Variants in MTMR12 observed in about 807,000 individuals in gnomAD.
The protein encoded by MTMR12 is myotubularin-related protein 12.
MTMR12 carries 33 observed loss-of-function variants against 96.7 expected under a neutral mutation model. The ratio of observed to expected loss-of-function variants is 0.34; its 90% CI spans 0.26 to 0.46. The LOEUF (loss-of-function observed/expected upper bound fraction) is 0.46. Among genes scored for constraint, MTMR12 ranks in the 20% least tolerant of loss-of-function variants. The pLI is 1.00. For synonymous variants in MTMR12, 298 were observed against 327.2 expected (o/e 0.91, Z 0.96); for missense variants, 721 against 896.1 (o/e 0.80, Z 2.49).
intron 8 of MTMR12, among the ~76,000 whole-genome samples, chr5:32,255,002 G>A (rs895965222): frequency 6.6e-6 from 1 of 152,074 alleles, no homozygotes; most frequent in East Asian, 1.9e-4. Flanking sequence ...AGGGCCTCTG[G>A]TTCACCACAA....
chr5:32,306,132 G>T (rs1374893720), intron 1 of MTMR12, among the ~76,000 whole-genome samples: 1 of 152,070 alleles, frequency 6.6e-6, no homozygotes, highest in Non-Finnish European at 1.5e-5. Context: ...CATGATATAA[G>T]CATGTTTCAC....
In MTMR12 at chr5:32,233,794, T is replaced by C. The variant is rs568605805; in HGVS notation, c.1653A>G (p.Gln551=). 6.8e-6 allele frequency: 11 copies of C among 1,614,242 alleles called. No homozygotes were observed. The East Asian group carries it at 8.9e-5, about 13-fold the overall frequency. Residue 551 remains glutamine (Q), a synonymous_variant, in exon 15 of 16, where the codon CAA becomes CAG. Transcript: ENST00000382142. This position sits in a 1 kb window ranked among gnomAD's most constrained non-coding sequence, Gnocchi z 5.0. ...TTACTTTGAAGCGCATTCCTTTCCGTTGGCCTTTGTCCAGTTTTGGCTTTT... is the reference window on the plus strand; with the variant it reads ...TTACTTTGAAGCGCATTCCTTTCCGCTGGCCTTTGTCCAGTTTTGGCTTTT... ...YVEKPKLDKG[Q]RKGMRFKHQR... is the part of the protein sequence containing the mutation.
At chr5:32,247,600 A>T in intron 10 of MTMR12, 1 of 382,984 alleles carries the variant, frequency 2.6e-6, no homozygotes, top group Non-Finnish European at 3.6e-6. Context: ...GGAAAAAATT[A>T]AAGTATTTCC....
chr5:32,263,017 G>C (rs372775042), intron 7 of MTMR12, 96 bp downstream of exon 7: 1 of 1,428,324 alleles, frequency 7.0e-7, no homozygotes, highest in Non-Finnish European at 9.5e-7. Flanking sequence ...TAAATTGACT[G>C]TGGTGATGAC....
At chr5:32,240,109 A>G (rs941300181) in intron 12 of MTMR12, among the ~76,000 whole-genome samples, 2 of 152,174 alleles carry the variant, frequency 1.3e-5, no homozygotes, top group African/African-American at 2.4e-5. Flanking sequence ...AAACTTAAGA[A>G]TGAATTGTAG....
chr5:32,231,488 T>C (rs1208207939), intron 15 of MTMR12, among the ~76,000 whole-genome samples: 1 of 152,140 alleles, frequency 6.6e-6, no homozygotes, highest in Non-Finnish European at 1.5e-5. Context: ...AGAAGCTGTT[T>C]GTCCAGCTCT....
At chr5:32,255,799 T>A (rs1423208820) in intron 7 of MTMR12, 31 bp from the exon 8 acceptor site, 17 of 1,556,164 alleles carry the variant, frequency 1.1e-5, no homozygotes, top group Non-Finnish European at 1.5e-5. Context: ...CAAGTTTTAG[T>A]ACAACACTTA....
At chr5:32,284,580 G>C (rs1398644413) in intron 1 of MTMR12, among the ~76,000 whole-genome samples, 1 of 152,078 alleles carries the variant, frequency 6.6e-6, no homozygotes, top group Admixed American at 6.6e-5. Flanking sequence ...TCTTTGGGGT[G>C]GTGGGAGCTT....
At chr5:32,284,104 C>A (rs752356324) in intron 1 of MTMR12, among the ~76,000 whole-genome samples, 1 of 151,724 alleles carries the variant, frequency 6.6e-6, no homozygotes, top group Non-Finnish European at 1.5e-5. Context: ...CTTAAGAATT[C>A]GAGACTAGCC....
chr5:32,279,667 A>G (rs1750207896), intron 1 of MTMR12, among the ~76,000 whole-genome samples: 5 of 152,184 alleles, frequency 3.3e-5, no homozygotes, highest in African/African-American at 1.2e-4. Context: ...GCATTCCCCA[A>G]ACTTTTGGAG....
intron 11 of MTMR12, among the ~76,000 whole-genome samples, 174 bp downstream of exon 11, chr5:32,243,347 T>C (rs534382908): frequency 2.0e-4 from 30 of 152,226 alleles, no homozygotes; most frequent in Non-Finnish European, 3.2e-4. Context: ...TGTTCATAAA[T>C]TCCTATCAAA....
At chr5:32,263,809 A>C (rs1330895820) in intron 6 of MTMR12, among the ~76,000 whole-genome samples, 1 of 152,210 alleles carries the variant, frequency 6.6e-6, no homozygotes, top group African/African-American at 2.4e-5. Flanking sequence ...ATTTCTAGTC[A>C]TCTGACCATG....
intron 10 of MTMR12, 83 bp from the exon 11 acceptor site, chr5:32,243,682 G>T: frequency 1.2e-6 from 1 of 830,428 alleles, no homozygotes; most frequent in Non-Finnish European, 2.0e-6. Context: ...CCTCAACTGT[G>T]TCATTCAGAT....
chr5:32,294,260 C>G (rs1011384514), intron 1 of MTMR12, among the ~76,000 whole-genome samples: 1 of 152,150 alleles, frequency 6.6e-6, no homozygotes, highest in Non-Finnish European at 1.5e-5. Context: ...GCTAGATACC[C>G]AAACCACACT....
rs777596804 is a variant in MTMR12 at position 32,233,732 on chromosome 5, T to A, written c.1674+41A>T. On this transcript the variant is annotated intron_variant, in intron 15 of 15. Coordinates refer to ENST00000382142, the MANE Select transcript of MTMR12 (RefSeq NM_001040446.3). The surrounding 1 kb of genome is among the most constrained non-coding windows in gnomAD (Gnocchi z 5.0). ...ACCTTTTATCATTACATGCACGGGG[T>A]CTGGGCAGCTGAAGGGGGTTTAGAC... 6.2e-7 allele frequency: 1 copy of A among 1,613,302 alleles called. No homozygotes were observed. The highest frequency in any genetic ancestry group is 8.5e-7 in the Non-Finnish European group (1 of 1,179,466).
rs1397469276 is a variant in MTMR12 at position 32,268,542 on chromosome 5, T to C, written c.583+159A>G. ...AAAAAAAAGATCACAGGAAAGAAAA[T>C]GTAGATATCTAAATGAATCACTCAA... On this transcript the variant is annotated intron_variant, in intron 6 of 15. Transcript: ENST00000382142. 2.1e-5 allele frequency among the ~76,000 whole-genome samples: 3 copies of C among 146,262 alleles called. No individual in the cohort carries two copies. The East Asian group carries it at 6.0e-4, about 29-fold the overall frequency.
chr5:32,248,820 T>C lies in MTMR12; in HGVS notation c.848A>G (p.Lys283Arg). ...TTGTAAAATGCCGTCATCCTGTTCT[T>C]TGGGCAGTGCTGACATTTTCAAAAG... The part of the protein sequence containing the change: ...SALLKMSALP[K>R]EQDDGILQIQ... Residue 283 changes from lysine (K) to arginine (R), a missense_variant, in exon 9 of 16, where the codon AAA (lysine) becomes AGA (arginine). By Grantham distance (26) the Lys-to-Arg change is conservative. Transcript: ENST00000382142. 3 of 1,614,200 alleles carry C rather than the reference T, an allele frequency of 1.9e-6. No individual in the cohort carries two copies. Among genetic ancestry groups the C allele is most frequent in the Non-Finnish European group, 2.5e-6 (3 of 1,180,020 alleles).
At chr5:32,289,843 A>G (rs911988698) in intron 1 of MTMR12, among the ~76,000 whole-genome samples, 2 of 152,240 alleles carry the variant, frequency 1.3e-5, no homozygotes, top group African/African-American at 4.8e-5. Flanking sequence ...GCCTCTACCT[A>G]GAAAAATAGT....
intron 1 of MTMR12, among the ~76,000 whole-genome samples, chr5:32,298,701 C>T (rs1751015508): frequency 6.6e-6 from 1 of 151,922 alleles, no homozygotes. Context: ...GTAATCCCAG[C>T]ACTTTGGGAG....
Sources: allele counts gnomAD v4.1 joint callset (sites outside exome capture counted in the v4.1 genomes callset), GRCh38; gene constraint gnomAD v4.1.1; non-coding constraint Gnocchi (gnomAD v3.1); transcripts MANE v1.5; gene names NCBI Gene and HGNC (gene_info 2026-07-23, HGNC 2026-07-21).